The following SEMA6A variants were observed in gnomAD, a reference collection of about 807,000 sequenced individuals.
SEMA6A encodes the protein semaphorin 6A, also known as semaphorin-6A.
Under a neutral mutation model 96.8 loss-of-function variants are expected in SEMA6A, and 25 were observed. The observed-to-expected ratio is 0.26, with a 90% CI of 0.19 to 0.36. The LOEUF is 0.36. SEMA6A is among the 10% of genes least tolerant of loss of function. SEMA6A has a pLI of 1.00. For synonymous variants in SEMA6A, 612 were observed against 518.0 expected (o/e 1.18, Z -2.46); for missense variants, 1,363 against 1,323.1 (o/e 1.03, Z -0.47).
At chr5:116,452,034 C>G (rs898393883) in intron 18 of SEMA6A, among the ~76,000 whole-genome samples, 1 of 152,084 alleles carries the variant, frequency 6.6e-6, no homozygotes, top group Admixed American at 6.5e-5. Context: ...CTGAGTATCC[C>G]TTGCTTCAGA....
At chr5:116,494,101 C>A (rs1281565566) in intron 6 of SEMA6A, among the ~76,000 whole-genome samples, 1 of 152,164 alleles carries the variant, frequency 6.6e-6, no homozygotes, top group Non-Finnish European at 1.5e-5. Context: ...ATTATTAAAT[C>A]CTACCGGTTT....
chr5:116,530,330 C>T (rs1311197599), intron 1 of SEMA6A, among the ~76,000 whole-genome samples: 1 of 152,062 alleles, frequency 6.6e-6, no homozygotes, highest in Non-Finnish European at 1.5e-5. Flanking sequence ...GTAGGCACTC[C>T]CTGTTATGCA....
chr5:116,552,226 T>TA (rs1183245033), intron 1 of SEMA6A, among the ~76,000 whole-genome samples: 44 of 140,756 alleles, frequency 3.1e-4, no homozygotes, highest in African/African-American at 1.1e-3. Context: ...ACATTTCCTT[T>TA]AAAAAAGGAT....
intron 12 of SEMA6A, among the ~76,000 whole-genome samples, chr5:116,479,603 T>C (rs1580412509): frequency 6.6e-6 from 1 of 152,202 alleles, no homozygotes; most frequent in African/African-American, 2.4e-5. Flanking sequence ...GAAGAGTTTT[T>C]TAATACTACC....
chr5:116,546,071 G>A (rs1158641789), intron 1 of SEMA6A, among the ~76,000 whole-genome samples: 1 of 152,144 alleles, frequency 6.6e-6, no homozygotes, highest in Non-Finnish European at 1.5e-5. Flanking sequence ...GGAAACCAAG[G>A]GCAGAATCTT....
chr5:116,482,975 CA>C (rs1272788559), intron 10 of SEMA6A, among the ~76,000 whole-genome samples: 7 of 152,144 alleles, frequency 4.6e-5, no homozygotes, highest in African/African-American at 1.7e-4. Context: ...AAATTTGAAA[CA>C]AAAATGCTCT....
At chr5:116,472,904 C>T (rs1264687614) in intron 17 of SEMA6A, 169 bp downstream of exon 17, 1 of 1,509,980 alleles carries the variant, frequency 6.6e-7, no homozygotes, top group African/African-American at 1.4e-5. Context: ...TGTTGTAAGA[C>T]ATTTCATTAT....
intron 1 of SEMA6A, among the ~76,000 whole-genome samples, chr5:116,566,627 T>C (rs891767690): frequency 5.9e-5 from 9 of 152,198 alleles, no homozygotes; most frequent in Non-Finnish European, 1.2e-4. Flanking sequence ...AGCAGGGAAT[T>C]GTGGTGATAA....
intron 1 of SEMA6A, among the ~76,000 whole-genome samples, chr5:116,512,271 G>A (rs1017792155): frequency 6.6e-5 from 10 of 152,236 alleles, no homozygotes; most frequent in African/African-American, 2.2e-4. Flanking sequence ...CACGAGGGCC[G>A]CCTGTTCAGT....
intron 1 of SEMA6A, among the ~76,000 whole-genome samples, chr5:116,567,773 C>T (rs1336650724): frequency 1.3e-5 from 2 of 152,302 alleles, no homozygotes; most frequent in South Asian, 2.1e-4. Flanking sequence ...CAAGATCTAA[C>T]GAATTCGGCC....
Position 116,446,290 on chromosome 5 carries a change from G to GA in SEMA6A, c.*322_*323insT, listed in dbSNP as rs1476146841. On this transcript the variant is annotated 3_prime_UTR_variant, in exon 19 of 19. Transcript: ENST00000343348. The stretch of plus-strand genomic sequence containing the variant: ...TGTGTGTGTGTGTGTGTGTGTGGGG[G>GA]TGGGGGATGGGGTAGGTATGTGCTT... 4.0e-6 allele frequency: 1 copy of GA among 250,326 alleles called. No individual in the cohort carries two copies. Among genetic ancestry groups the GA allele is most frequent in the African/African-American group, 2.3e-5 (1 of 44,150 alleles). The allele number at this position is 250,326 out of a possible 1,614,324, so 15.5% of individuals were successfully genotyped here.
intron 1 of SEMA6A, among the ~76,000 whole-genome samples, chr5:116,549,222 A>C (rs1025859777): frequency 1.4e-4 from 22 of 152,186 alleles, no homozygotes; most frequent in African/African-American, 5.3e-4. Context: ...GAATCTAGAA[A>C]TAAAAATTTC....
intron 1 of SEMA6A, among the ~76,000 whole-genome samples, chr5:116,515,137 C>T (rs1026158348): frequency 6.6e-6 from 1 of 152,190 alleles, no homozygotes; most frequent in Non-Finnish European, 1.5e-5. Flanking sequence ...CAGGCCAAGA[C>T]AGCAGCGTGT....
intron 9 of SEMA6A, among the ~76,000 whole-genome samples, chr5:116,487,842 C>T (rs551415722): frequency 6.6e-6 from 1 of 152,208 alleles, no homozygotes; most frequent in South Asian, 2.1e-4. Context: ...CCAGCCTGGG[C>T]AACTGAGTAA....
At chr5:116,463,687 T>C (rs1755554731) in intron 18 of SEMA6A, among the ~76,000 whole-genome samples, 1 of 152,226 alleles carries the variant, frequency 6.6e-6, no homozygotes, top group East Asian at 1.9e-4. Flanking sequence ...TATCTCACTT[T>C]AAAGATTTCC....
chr5:116,472,001 A>G (rs1756174398), intron 17 of SEMA6A, among the ~76,000 whole-genome samples: 1 of 152,064 alleles, frequency 6.6e-6, no homozygotes, highest in Non-Finnish European at 1.5e-5. Flanking sequence ...TTGATTATAT[A>G]TCTTAAACAC....
rs1756562661 is a variant in SEMA6A, at chr5:116,478,209, C to T, written c.1428-55G>A. 3.2e-6 allele frequency: 5 copies of T among 1,573,992 alleles called. No individual in the cohort carries two copies. In the East Asian group the frequency reaches 9.2e-5, roughly 29 times the overall value. On this transcript the variant is annotated intron_variant, in intron 13 of 18. Transcript: ENST00000343348. ...AATAGACTCTTCTCTTTTTCTCGGC[C>T]CCACCCTCACATCCCACTTCCCAGC...
intron 1 of SEMA6A, among the ~76,000 whole-genome samples, chr5:116,545,022 A>G (rs254223): frequency 0.96 from 146,558 of 152,114 alleles, 70,612 homozygotes; most frequent in East Asian, 1. Flanking sequence ...ACTCTTCCCC[A>G]ACACCAGCTT....
chr5:116,516,068 G>A (rs1465267145), intron 1 of SEMA6A, among the ~76,000 whole-genome samples: 3 of 152,178 alleles, frequency 2.0e-5, no homozygotes, highest in Non-Finnish European at 2.9e-5. Context: ...GGTGTTTGCT[G>A]CCTGTGTCAG....
Sources: gnomAD v4.1 joint callset for allele counts (sites outside exome capture counted in the v4.1 genomes callset) on GRCh38, gnomAD v4.1.1 for gene constraint, MANE v1.5 for transcripts, NCBI Gene and HGNC (gene_info 2026-07-23, HGNC 2026-07-21) for gene names.